Variants in TGFB2 observed in about 807,000 individuals in gnomAD.
TGFB2 encodes transforming growth factor beta 2, also known as transforming growth factor beta-2 proprotein.
TGFB2 carries 13 observed loss-of-function variants against 42.7 expected under a neutral mutation model. That is an observed-to-expected ratio of 0.30 (90% confidence interval 0.20 to 0.48). The LOEUF is 0.48. Ranked by LOEUF, TGFB2 falls within the 20% of genes least tolerant of loss-of-function variation. The pLI is 0.99. For missense variants in TGFB2, 390 were observed against 517.5 expected (o/e 0.75, Z 2.39); for synonymous variants, 193 against 193.6 (o/e 1.00, Z 0.03).
At chr1:218,387,411 T>C (rs897067151) in intron 1 of TGFB2, among the ~76,000 whole-genome samples, 3 of 152,132 alleles carry the variant, frequency 2.0e-5, no homozygotes, top group Admixed American at 2.0e-4. Context: ...TGGTTAAGAA[T>C]TGAAGTAGGC....
chr1:218,355,876 G>A (rs914356882), intron 1 of TGFB2, among the ~76,000 whole-genome samples: 1 of 152,152 alleles, frequency 6.6e-6, no homozygotes, highest in African/African-American at 2.4e-5. Context: ...GATTATAAGA[G>A]AGAATCTGGA....
chr1:218,413,687 A>G (rs1659178524), intron 2 of TGFB2, among the ~76,000 whole-genome samples: 1 of 152,198 alleles, frequency 6.6e-6, no homozygotes, highest in Admixed American at 6.5e-5. Context: ...TCAGGACACA[A>G]TCCCGTTGTA....
chr1:218,346,946 C>T lies in TGFB2; in HGVS notation c.245C>T (p.Ala82Val), dbSNP rs1571821016. 1.2e-6 allele frequency: 2 copies of T among 1,613,986 alleles called. No homozygotes were observed. Among genetic ancestry groups the T allele is most frequent in the Non-Finnish European group, 8.5e-7 (1 of 1,179,978 alleles). Residue 82 changes from alanine to valine, a missense_variant, in exon 1 of 7, where the codon GCG becomes GTG. Transcript: ENST00000366930. The surrounding 1 kb of genome is among the most constrained non-coding windows in gnomAD (Gnocchi z 4.9). ...ACCAGGGACTTGCTCCAGGAGAAGGCGAGCCGGAGGGCGGCCGCCTGCGAG... is the reference window on the plus strand; with the variant it reads ...ACCAGGGACTTGCTCCAGGAGAAGGTGAGCCGGAGGGCGGCCGCCTGCGAG... The part of the protein sequence containing the change: ...NSTRDLLQEK[A>V]SRRAAACERE...
At chr1:218,440,128 C>T (rs1660105252) in intron 6 of TGFB2, among the ~76,000 whole-genome samples, 1 of 152,218 alleles carries the variant, frequency 6.6e-6, no homozygotes, top group Non-Finnish European at 1.5e-5. Context: ...ACCGTCTCTT[C>T]ATTCTGTTTT....
intron 6 of TGFB2, among the ~76,000 whole-genome samples, chr1:218,438,297 T>TA (rs943888402): frequency 1.3e-4 from 20 of 149,452 alleles, no homozygotes; most frequent in East Asian, 3.9e-4. Flanking sequence ...GGTCTCCATC[T>TA]AAAAAAAAAA....
At chr1:218,423,742 C>T (rs1016079657) in intron 2 of TGFB2, among the ~76,000 whole-genome samples, 1 of 152,116 alleles carries the variant, frequency 6.6e-6, no homozygotes, top group Non-Finnish European at 1.5e-5. Context: ...GCATTAGAAG[C>T]CTCTGAAAGT....
chr1:218,405,998 A>AGTT (rs1312688067), intron 2 of TGFB2, among the ~76,000 whole-genome samples: 2 of 152,128 alleles, frequency 1.3e-5, no homozygotes, highest in African/African-American at 4.8e-5. Flanking sequence ...GGGAACAGTC[A>AGTT]GTTGACCTTC....
At chr1:218,424,187 G>A (rs553051567) in intron 2 of TGFB2, among the ~76,000 whole-genome samples, 1 of 152,332 alleles carries the variant, frequency 6.6e-6, no homozygotes, top group East Asian at 1.9e-4. Context: ...TAAGAAGCCA[G>A]CAACAGGTTC....
At chr1:218,435,579 G>A (rs952365500) in intron 4 of TGFB2, among the ~76,000 whole-genome samples, 1 of 152,168 alleles carries the variant, frequency 6.6e-6, no homozygotes, top group Non-Finnish European at 1.5e-5. Context: ...GTGAACCAGC[G>A]GGTGACAAGG....
rs1316829320 is a variant in TGFB2, at chr1:218,441,239, A to T, written c.1122A>T (p.Ala374=). The T allele has an allele frequency of 1.2e-6, 2 of 1,613,644 alleles. No homozygotes were observed. The highest frequency in any genetic ancestry group is 3.3e-5 in the Admixed American group (2 of 59,902). The change falls in exon 7 of 7, where the codon GCA becomes GCT. Residue 374 remains alanine, a synonymous_variant. Transcript: ENST00000366930. ...LSLYNTINPE[A]SASPCCVSQD... is the part of the protein sequence containing the mutation. ...TATATAATACCATAAATCCAGAAGC[A>T]TCTGCTTCTCCTTGCTGCGTGTCCC...
chr1:218,371,969 A>G (rs1657587106), intron 1 of TGFB2, among the ~76,000 whole-genome samples: 1 of 152,120 alleles, frequency 6.6e-6, no homozygotes, highest in South Asian at 2.1e-4. Context: ...CTGGAAAGTA[A>G]CCCTGCCTGG....
At chr1:218,408,928 C>T (rs570163878) in intron 2 of TGFB2, among the ~76,000 whole-genome samples, 5 of 152,252 alleles carry the variant, frequency 3.3e-5, no homozygotes, top group South Asian at 2.1e-4. Flanking sequence ...TCAGTGGGAG[C>T]GCTGAGCTTG....
chr1:218,389,642 G>T (rs1200726669), intron 1 of TGFB2, among the ~76,000 whole-genome samples: 1 of 152,182 alleles, frequency 6.6e-6, no homozygotes, highest in Admixed American at 6.5e-5. Flanking sequence ...TATCTCATGG[G>T]TGCTCTGTGG....
intron 1 of TGFB2, among the ~76,000 whole-genome samples, chr1:218,383,729 T>C (rs998152204): frequency 6.6e-6 from 1 of 152,218 alleles, no homozygotes; most frequent in Non-Finnish European, 1.5e-5. Flanking sequence ...CGAGATTTGA[T>C]TATATATCCC....
At chr1:218,372,710 A>T (rs545912222) in intron 1 of TGFB2, among the ~76,000 whole-genome samples, 2 of 152,336 alleles carry the variant, frequency 1.3e-5, no homozygotes, top group African/African-American at 4.8e-5. Context: ...GAGCTTTGAC[A>T]GTCAAGGCTG....
rs755257151 is a variant in TGFB2, at chr1:218,441,496, C to T, written c.*134C>T. On this transcript the variant is annotated 3_prime_UTR_variant, in exon 7 of 7. Coordinates refer to ENST00000366930, the MANE Select transcript of TGFB2 (RefSeq NM_003238.6). ...CAGTGTTAAAAAATTTTTGAAAAGG[C>T]GGTACTAGTTCAGACACTTTGGAAG... The T allele has an allele frequency of 7.8e-6, 7 of 894,296 alleles. No individual in the cohort carries two copies. The highest frequency in any genetic ancestry group is 1.7e-5 in the African/African-American group (1 of 58,672). 55.4% of individuals were successfully genotyped at this position (894,296 alleles called of 1,614,324 possible). A position where few individuals can be genotyped will look rare whatever the true frequency, so the allele number is the denominator to read the frequency against.
chr1:218,433,137 C>T (rs999878958), intron 2 of TGFB2, among the ~76,000 whole-genome samples: 2 of 152,132 alleles, frequency 1.3e-5, no homozygotes, highest in African/African-American at 4.8e-5. Flanking sequence ...AATGCCACCT[C>T]GGCTCACTGC....
intron 1 of TGFB2, among the ~76,000 whole-genome samples, chr1:218,380,252 C>G (rs2102565356): frequency 6.6e-6 from 1 of 152,304 alleles, no homozygotes; most frequent in South Asian, 2.1e-4. Context: ...AGGGCACAAA[C>G]TCTGGAATGA....
intron 1 of TGFB2, among the ~76,000 whole-genome samples, chr1:218,387,445 G>A (rs1241301360): frequency 6.6e-6 from 1 of 152,156 alleles, no homozygotes; most frequent in Non-Finnish European, 1.5e-5. Context: ...TGCTGTCTAT[G>A]TTCCTGGAAA....
Sources: allele counts gnomAD v4.1 joint callset (sites outside exome capture counted in the v4.1 genomes callset), GRCh38; gene constraint gnomAD v4.1.1; non-coding constraint Gnocchi (gnomAD v3.1); transcripts MANE v1.5; gene names NCBI Gene and HGNC (gene_info 2026-07-23, HGNC 2026-07-21).